CDCP1: variants seen among roughly 807,000 people sequenced by gnomAD.
The protein encoded by CDCP1 is CUB domain-containing protein 1.
A neutral mutation model predicts 60.2 loss-of-function variants in CDCP1; 29 were observed. The observed-to-expected ratio is 0.48, with a 90% confidence interval of 0.36 to 0.66. CDCP1 has a LOEUF of 0.66. CDCP1 is among the 30% of genes least tolerant of loss of function. The probability of loss-of-function intolerance (pLI) is 0.00; values close to 1 mark genes in which losing one functional copy is unlikely to be tolerated. For missense variants in CDCP1, 876 were observed against 1,074.3 expected, an observed-to-expected ratio of 0.82 and a Z score of 2.58; for synonymous variants, 387 against 431.1, an observed-to-expected ratio of 0.90 and a Z score of 1.27.
intron 1 of CDCP1, among the ~76,000 whole-genome samples, chr3:45,143,505 G>T (rs1699329690): frequency 6.6e-6 from 1 of 152,204 alleles, no homozygotes; most frequent in South Asian, 2.1e-4. Flanking sequence ...CATACAATGG[G>T]ATGATCCCAT....
intron 1 of CDCP1, among the ~76,000 whole-genome samples, chr3:45,137,049 T>C (rs1699201991): frequency 6.6e-6 from 1 of 152,220 alleles, no homozygotes; most frequent in South Asian, 2.1e-4. Context: ...AGATAAATAA[T>C]ATATGAAGCA....
At chr3:45,124,357 A>C (rs1698938219) in intron 1 of CDCP1, among the ~76,000 whole-genome samples, 1 of 152,162 alleles carries the variant, frequency 6.6e-6, no homozygotes, top group Non-Finnish European at 1.5e-5. Flanking sequence ...AAGTTGCCTC[A>C]ATTCTGGGTG....
intron 1 of CDCP1, among the ~76,000 whole-genome samples, chr3:45,127,986 C>A (rs201947947): frequency 6.6e-6 from 1 of 152,194 alleles, no homozygotes; most frequent in African/African-American, 2.4e-5. Flanking sequence ...CCAACCCCAA[C>A]GGCAGGTGCA....
At chr3:45,093,179 T>G in intron 6 of CDCP1, 98 bp downstream of exon 6, 24 of 1,414,400 alleles carry the variant, frequency 1.7e-5, no homozygotes, top group Non-Finnish European at 2.3e-5. Flanking sequence ...AGCTATCCCT[T>G]CTTTCCAAAC....
chr3:45,084,856 C>T lies in CDCP1; in HGVS notation c.*782G>A, dbSNP rs1474337810. 3 of 152,574 alleles carry T rather than the reference C, an allele frequency of 2.0e-5. No individual in the cohort carries two copies. The allele number at this position is 152,574 out of a possible 1,614,324, so 9.5% of individuals were successfully genotyped here. A position where few individuals can be genotyped will look rare whatever the true frequency, so the allele number is the denominator to read the frequency against. On this transcript the variant is annotated 3_prime_UTR_variant, in exon 9 of 9. Transcript: ENST00000296129. ...TATTGCTGCAGCTAGGAGAACCGCA[C>T]ATGGAAACTTGAGGAAATTTCTCTT... is the stretch of plus-strand genomic sequence containing the variant.
intron 8 of CDCP1, among the ~76,000 whole-genome samples, chr3:45,088,474 A>AAAAT (rs535119366): frequency 0.01 from 1,528 of 152,200 alleles, 22 homozygotes; most frequent in African/African-American, 0.034. Context: ...CTCTGTCTCA[A>AAAAT]AAATAAATAA....
At chr3:45,088,944 G>A in intron 8 of CDCP1, 110 bp downstream of exon 8, 2 of 880,218 alleles carry the variant, frequency 2.3e-6, no homozygotes, top group South Asian at 3.0e-5. Flanking sequence ...TTGATCTTTG[G>A]GGGAAAAAAT....
chr3:45,096,453 C>T (rs1055977707), intron 4 of CDCP1, among the ~76,000 whole-genome samples: 2 of 151,718 alleles, frequency 1.3e-5, no homozygotes, highest in South Asian at 4.2e-4. Flanking sequence ...GTTGAAACCC[C>T]GTGTCTACTA....
chr3:45,113,817 C>T (rs535526960), intron 2 of CDCP1, among the ~76,000 whole-genome samples: 1 of 152,316 alleles, frequency 6.6e-6, no homozygotes, highest in South Asian at 2.1e-4. Context: ...TAAAATTAGA[C>T]TTTGCGTGTT....
At chr3:45,114,071 G>T (rs1038955299) in intron 2 of CDCP1, among the ~76,000 whole-genome samples, 3 of 152,140 alleles carry the variant, frequency 2.0e-5, no homozygotes, top group Admixed American at 1.3e-4. Flanking sequence ...AACTACACAT[G>T]CCTGGACCAT....
intron 4 of CDCP1, among the ~76,000 whole-genome samples, chr3:45,097,388 GA>G (rs1463407976): frequency 4.6e-5 from 7 of 151,798 alleles, no homozygotes; most frequent in African/African-American, 1.7e-4. Context: ...TAGATTACCA[GA>G]TTGGTTTATA....
chr3:45,096,587 T>C (rs987938555), intron 4 of CDCP1, among the ~76,000 whole-genome samples: 1 of 119,652 alleles, frequency 8.4e-6, no homozygotes, highest in African/African-American at 3.1e-5. Flanking sequence ...ATTGTACCAC[T>C]GCACCCTAGC....
intron 6 of CDCP1, among the ~76,000 whole-genome samples, chr3:45,092,532 T>C (rs568972104): frequency 6.6e-6 from 1 of 152,316 alleles, no homozygotes; most frequent in East Asian, 1.9e-4. Flanking sequence ...ACCTTGGAGA[T>C]ATCAGGCAGC....
intron 1 of CDCP1, among the ~76,000 whole-genome samples, chr3:45,145,719 C>A (rs955810698): frequency 2.0e-5 from 3 of 152,140 alleles, no homozygotes; most frequent in African/African-American, 7.2e-5. Context: ...CGTGAAAGCA[C>A]TTTTTTTGCA....
Position 45,146,375 on chromosome 3 carries a change from C to T in CDCP1, c.-88G>A, listed in dbSNP as rs1699392578. On this transcript the variant is annotated 5_prime_UTR_variant, in exon 1 of 9. Coordinates refer to ENST00000296129, the MANE Select transcript of CDCP1 (RefSeq NM_022842.5). ...CCAAGCCCGGCGCAGCTGCGCTCCG[C>T]CCTGGCTCACTCACCTGCGCGCGGG... The T allele has an allele frequency of 8.5e-7, 1 of 1,178,676 alleles. No homozygotes were observed. Among genetic ancestry groups the T allele is most frequent in the Non-Finnish European group, 1.1e-6 (1 of 872,440 alleles). 73.0% of individuals were successfully genotyped at this position (1,178,676 alleles called of 1,614,324 possible).
At chr3:45,126,907 A>G (rs1488178991) in intron 1 of CDCP1, among the ~76,000 whole-genome samples, 1 of 152,258 alleles carries the variant, frequency 6.6e-6, no homozygotes, top group Non-Finnish European at 1.5e-5. Context: ...ACCCAGGCAT[A>G]TATGATTAAT....
intron 1 of CDCP1, among the ~76,000 whole-genome samples, chr3:45,142,360 G>A (rs1699305532): frequency 6.6e-6 from 1 of 152,178 alleles, no homozygotes; most frequent in Non-Finnish European, 1.5e-5. Flanking sequence ...TAAGCCAAGG[G>A]ACCCAGTTCT....
chr3:45,098,124 T>G (rs546465423), intron 4 of CDCP1, among the ~76,000 whole-genome samples: 6 of 152,106 alleles, frequency 3.9e-5, no homozygotes, highest in African/African-American at 1.4e-4. Context: ...CCCCACCCGC[T>G]CTTCCCTCAT....
At position 45,093,297 on chromosome 3, in the gene CDCP1, G is replaced by C; in HGVS notation, c.1607C>G (p.Ser536Cys). ...CTTACCTTTGAAATAAGGTATAAAG[G>C]ACACCGTCAGACCCTGCCTGGAGGC... ...QEASRQGLTV[S>C]FIPYFKEEGV... is the part of the protein sequence containing the mutation. The change falls in exon 6 of 9, where the codon TCC becomes TGC. Residue 536 changes from serine to cysteine, a missense_variant. By Grantham distance (112) the Ser-to-Cys change is moderately radical (BLOSUM62 -1). This residue lies in a region of CDCP1 where 726 missense variants were observed against 935.7 expected (regional missense o/e 0.78). Coordinates refer to ENST00000296129, the MANE Select transcript of CDCP1 (RefSeq NM_022842.5). 1 of 1,614,130 alleles carries C rather than the reference G, an allele frequency of 6.2e-7. No individual in the cohort carries two copies. Among genetic ancestry groups the C allele is most frequent in the Non-Finnish European group, 8.5e-7 (1 of 1,180,018 alleles).
Sources: gnomAD v4.1 joint callset for allele counts (sites outside exome capture counted in the v4.1 genomes callset) on GRCh38, gnomAD v4.1.1 for gene constraint, gnomAD v4.1.1 regional missense constraint, MANE v1.5 for transcripts, NCBI Gene and HGNC (gene_info 2026-07-23, HGNC 2026-07-21) for gene names.